The following CAMKMT variants were observed in gnomAD, a reference collection of about 807,000 sequenced individuals.
CAMKMT encodes the protein CaM KMT.
Under a neutral mutation model 48.0 loss-of-function variants are expected in CAMKMT, and 53 were observed. That is an observed-to-expected ratio of 1.10 (90% CI 0.89 to 1.39). The LOEUF is 1.39. Among genes scored for constraint, CAMKMT ranks in the 40% most tolerant of loss-of-function variants. The probability of loss-of-function intolerance (pLI) is 0.00; values close to 1 mark genes in which losing one functional copy is unlikely to be tolerated. For synonymous variants in CAMKMT, 165 were observed against 152.3 expected, an observed-to-expected ratio of 1.08 and a Z score of -0.61; for missense variants, 428 against 402.7, an observed-to-expected ratio of 1.06 and a Z score of -0.54.
At chr2:44,680,933 C>T (rs549401927) in intron 3 of CAMKMT, among the ~76,000 whole-genome samples, 17 of 152,298 alleles carry the variant, frequency 1.1e-4, no homozygotes, top group Admixed American at 1.1e-3. Flanking sequence ...AATGATAACT[C>T]GACATGCCAT....
intron 3 of CAMKMT, among the ~76,000 whole-genome samples, chr2:44,610,440 C>T (rs983788105): frequency 6.6e-6 from 1 of 152,054 alleles, no homozygotes; most frequent in African/African-American, 2.4e-5. Context: ...GCACTTTTAT[C>T]ATGTGAAGTG....
intron 3 of CAMKMT, among the ~76,000 whole-genome samples, chr2:44,463,746 T>C: frequency 6.6e-6 from 1 of 151,980 alleles, no homozygotes; most frequent in East Asian, 1.9e-4. Context: ...CTGACAAACT[T>C]CTCTAATTGG....
At position 44,376,109 on chromosome 2, in the gene CAMKMT, G is replaced by A. The variant is rs113944194; in HGVS notation, c.311+3221G>A. Among the ~76,000 whole-genome samples the A allele has an allele frequency of 2.3e-4, 35 of 152,070 alleles. No individual in the cohort carries two copies. The Middle Eastern group carries it at 0.014, about 59-fold the overall frequency. ...AGCCTGCTCCAGGTTCTATTAAGGG[G>A]CTAAGCATTGGAGATTTTGGGCTGG... On this transcript the variant is annotated intron_variant, in intron 2 of 10. Coordinates refer to ENST00000378494, the MANE Select transcript of CAMKMT (RefSeq NM_024766.5).
intron 3 of CAMKMT, chr2:44,631,440 T>C (rs1672822312): frequency 3.5e-6 from 2 of 573,208 alleles, no homozygotes; most frequent in African/African-American, 3.9e-5. Flanking sequence ...GAAATACAAA[T>C]CAAAGAGTTT....
intron 3 of CAMKMT, among the ~76,000 whole-genome samples, chr2:44,621,221 C>T (rs979904498): frequency 7.0e-6 from 1 of 142,014 alleles, no homozygotes; most frequent in South Asian, 2.2e-4. Context: ...GAGACGAGAT[C>T]GCACCACTGC....
In CAMKMT at chr2:44,447,774, C is replaced by G. The variant is rs543433681; in HGVS notation, c.376+57469C>G. 1.1e-4 allele frequency among the ~76,000 whole-genome samples: 16 copies of G among 152,274 alleles called. No homozygotes were observed. In the South Asian group the frequency reaches 3.3e-3, roughly 32 times the overall value. On this transcript the variant is annotated intron_variant, in intron 3 of 10. Transcript: ENST00000378494. The stretch of plus-strand genomic sequence containing the variant: ...AGTATAATCCTTCTGTAGGTAGGGG[C>G]AGCAAATATTTTTGAAAAATAATAC...
chr2:44,744,847 G>C (rs1341686100), intron 8 of CAMKMT, among the ~76,000 whole-genome samples: 1 of 151,932 alleles, frequency 6.6e-6, no homozygotes, highest in Non-Finnish European at 1.5e-5. Flanking sequence ...TCTTAGCTGA[G>C]AGTTTCTAGT....
intron 3 of CAMKMT, among the ~76,000 whole-genome samples, chr2:44,484,885 A>G (rs1669141727): frequency 6.6e-6 from 1 of 152,164 alleles, no homozygotes; most frequent in Admixed American, 6.5e-5. Context: ...AGGAAAAAAA[A>G]GAACCTAATT....
At chr2:44,734,555 C>A (rs756591214) in intron 7 of CAMKMT, among the ~76,000 whole-genome samples, 8 of 152,068 alleles carry the variant, frequency 5.3e-5, no homozygotes, top group African/African-American at 1.9e-4. Flanking sequence ...GCTGGGACTA[C>A]AGGCATGCAC....
At chr2:44,514,864 A>G (rs191887579) in intron 3 of CAMKMT, among the ~76,000 whole-genome samples, 355 of 152,360 alleles carry the variant, frequency 2.3e-3, no homozygotes, top group Non-Finnish European at 4.2e-3. Flanking sequence ...ATAAGTATAT[A>G]TAAAAGGAAT....
intron 3 of CAMKMT, among the ~76,000 whole-genome samples, chr2:44,496,282 G>A (rs919416316): frequency 4.6e-5 from 7 of 152,086 alleles, no homozygotes; most frequent in Admixed American, 6.6e-5. Context: ...CATATTCAGC[G>A]TCATATTTTT....
intron 3 of CAMKMT, among the ~76,000 whole-genome samples, chr2:44,689,956 T>C (rs1171402064): frequency 6.6e-6 from 1 of 152,244 alleles, no homozygotes; most frequent in Non-Finnish European, 1.5e-5. Context: ...TTTTCTGTTA[T>C]TAATATGCTT....
intron 3 of CAMKMT, among the ~76,000 whole-genome samples, chr2:44,595,353 G>A (rs771336095): frequency 2.9e-4 from 44 of 152,232 alleles, no homozygotes; most frequent in Middle Eastern, 6.8e-3. Flanking sequence ...TGATCTGCCC[G>A]CCTCAGCGTC....
rs1027157183 is a variant in CAMKMT, at chr2:44,539,996, A to G, written c.376+149691A>G. On this transcript the variant is annotated intron_variant, in intron 3 of 10. Transcript: ENST00000378494. ...CGATACTTTGAAACTATTGAAACAT[A>G]TTGTTCCTCATTAAACTTTCAGTTT... Among the ~76,000 whole-genome samples the G allele has an allele frequency of 2.0e-5, 3 of 152,114 alleles. 1 individual carries two copies. The highest frequency in any genetic ancestry group is 1.3e-4 in the Admixed American group (2 of 15,266).
intron 3 of CAMKMT, among the ~76,000 whole-genome samples, chr2:44,662,157 T>G (rs1214435110): frequency 1.3e-5 from 2 of 152,250 alleles, no homozygotes; most frequent in African/African-American, 4.8e-5. Flanking sequence ...CTCTTGGATC[T>G]GCATGAGCCT....
chr2:44,404,761 A>G (rs971317215), intron 3 of CAMKMT, among the ~76,000 whole-genome samples: 4 of 151,960 alleles, frequency 2.6e-5, no homozygotes, highest in Admixed American at 6.6e-5. Flanking sequence ...TTATGCTTTT[A>G]GGATGATCTT....
Position 44,522,450 on chromosome 2 carries a change from C to T in CAMKMT, c.376+132145C>T, listed in dbSNP as rs554292789. ...CTAATAAGCACTTCTCTCTCTTGGG[C>T]TCCTTGTAAACCTGCTGTGGGGCAA... is the stretch of plus-strand genomic sequence containing the variant. On this transcript the variant is annotated intron_variant, in intron 3 of 10. Transcript: ENST00000378494. Among the ~76,000 whole-genome samples the T allele has an allele frequency of 2.0e-5, 3 of 152,336 alleles. No individual in the cohort carries two copies. The East Asian group carries it at 5.8e-4, about 29-fold the overall frequency.
chr2:44,399,862 G>T (rs369999858), intron 3 of CAMKMT, among the ~76,000 whole-genome samples: 1 of 152,288 alleles, frequency 6.6e-6, no homozygotes, highest in African/African-American at 2.4e-5. Flanking sequence ...TTTGCCTCCA[G>T]TGGTCGCAGT....
chr2:44,713,840 T>C (rs1188409236), intron 6 of CAMKMT, among the ~76,000 whole-genome samples: 3 of 152,178 alleles, frequency 2.0e-5, no homozygotes, highest in Non-Finnish European at 4.4e-5. Context: ...GGCTCTGTTT[T>C]TGCAGGGAGA....
Sources: allele counts gnomAD v4.1 joint callset (sites outside exome capture counted in the v4.1 genomes callset), GRCh38; gene constraint gnomAD v4.1.1; transcripts MANE v1.5; gene names NCBI Gene and HGNC (gene_info 2026-07-23, HGNC 2026-07-21).